OCA2: variants seen among roughly 807,000 people sequenced by gnomAD.
The protein encoded by OCA2 is OCA2 melanosomal transmembrane protein.
OCA2 carries 77 observed loss-of-function variants against 100.2 expected under a neutral mutation model. The observed-to-expected ratio is 0.77, with a 90% CI of 0.64 to 0.93. OCA2 has a LOEUF of 0.93. Ranked by LOEUF, OCA2 falls within the 40% of genes least tolerant of loss-of-function variation. The pLI is 0.00. For synonymous variants in OCA2, 432 were observed against 439.2 expected (o/e 0.98, Z 0.21); for missense variants, 1,062 against 1,089.1 (o/e 0.98, Z 0.35).
At chr15:28,046,404 G>GA (rs936369468) in intron 2 of OCA2, among the ~76,000 whole-genome samples, 6 of 152,162 alleles carry the variant, frequency 3.9e-5, no homozygotes, top group African/African-American at 1.4e-4. Flanking sequence ...GAACCCAGCA[G>GA]AAAAGAGTCT....
chr15:27,986,614 C>T lies in OCA2; in HGVS notation c.1212G>A (p.Thr404=), dbSNP rs773802096. ...MMILVAIFSE[T]GFFDYCAVKA... is the part of the protein sequence containing the mutation. Reference sequence around the variant, plus strand: ...TTACAGCACAATAATCGAAAAATCCCGTTTCTGAAAATATGGCTACTAAGA... The same window carrying T: ...TTACAGCACAATAATCGAAAAATCCTGTTTCTGAAAATATGGCTACTAAGA... Residue 404 remains threonine (T), a synonymous_variant, in exon 12 of 24, where the codon ACG becomes ACA. Coordinates refer to ENST00000354638, the MANE Select transcript of OCA2 (RefSeq NM_000275.3). 1.2e-5 allele frequency: 19 copies of T among 1,595,258 alleles called. No homozygotes were observed. Among genetic ancestry groups the T allele is most frequent in the East Asian group, 2.2e-5 (1 of 44,794 alleles).
Position 27,992,807 on chromosome 15 carries a change from C to T in OCA2, c.1045-2160G>A, listed in dbSNP as rs114673426. Reference sequence around the variant, plus strand: ...AACCTTTGGGCTAACTTTGTCTGGACGGAAAGGAGACTTCCAGTAAAGAGC... The same window carrying T: ...AACCTTTGGGCTAACTTTGTCTGGATGGAAAGGAGACTTCCAGTAAAGAGC... On this transcript the variant is annotated intron_variant, in intron 9 of 23. Coordinates refer to ENST00000354638, the MANE Select transcript of OCA2 (RefSeq NM_000275.3). 7.9e-3 allele frequency among the ~76,000 whole-genome samples: 1,199 copies of T among 152,222 alleles called. 20 individuals are homozygous for T. Among genetic ancestry groups the T allele is most frequent in the African/African-American group, 0.028 (1,145 of 41,526 alleles).
intron 19 of OCA2, among the ~76,000 whole-genome samples, chr15:27,882,559 T>C (rs1451896436): frequency 4.6e-5 from 7 of 152,232 alleles, no homozygotes; most frequent in Non-Finnish European, 1.0e-4. Flanking sequence ...ATCTGTTGAC[T>C]GTCATTTTCC....
intron 19 of OCA2, among the ~76,000 whole-genome samples, chr15:27,919,351 A>G (rs1466888576): frequency 6.6e-6 from 1 of 152,198 alleles, no homozygotes; most frequent in African/African-American, 2.4e-5. Context: ...AAAATTGCCA[A>G]AACTTGGAAG....
At chr15:27,885,738 C>T (rs569846821) in intron 19 of OCA2, among the ~76,000 whole-genome samples, 2 of 136,402 alleles carry the variant, frequency 1.5e-5, no homozygotes, top group South Asian at 2.7e-4. Context: ...GCTTAGTCTC[C>T]ATTCACTCCT....
At chr15:27,913,885 A>AAGAAAGAAAGAAAG (rs2038531685) in intron 19 of OCA2, among the ~76,000 whole-genome samples, 1 of 55,162 alleles carries the variant, frequency 1.8e-5, no homozygotes, top group South Asian at 7.6e-4. Flanking sequence ...GAAAGAAAGA[A>AAGAAAGAAAGAAAG]AGAAAGAAAG....
intron 19 of OCA2, among the ~76,000 whole-genome samples, chr15:27,886,897 T>C (rs2703970): frequency 0.092 from 14,037 of 152,220 alleles, 1,451 homozygotes; most frequent in African/African-American, 0.25. Context: ...GGATCTGATA[T>C]GGTTTGCCTC....
At chr15:27,989,922 C>T (rs2041494181) in intron 10 of OCA2, among the ~76,000 whole-genome samples, 1 of 152,198 alleles carries the variant, frequency 6.6e-6, no homozygotes, top group Admixed American at 6.5e-5. Flanking sequence ...TCCCACATGG[C>T]GGGACTGGCC....
At chr15:27,985,360 C>T (rs748425163) in intron 12 of OCA2, among the ~76,000 whole-genome samples, 172 bp from the exon 13 acceptor site, 2 of 152,144 alleles carry the variant, frequency 1.3e-5, no homozygotes, top group Non-Finnish European at 2.9e-5. Context: ...TGCTGGCCAT[C>T]GAAGTTCCTA....
At chr15:27,819,639 T>C (rs553075144) in intron 23 of OCA2, among the ~76,000 whole-genome samples, 8 of 152,312 alleles carry the variant, frequency 5.3e-5, no homozygotes, top group African/African-American at 1.7e-4. Flanking sequence ...GAATTATCCA[T>C]GTGGTAATGA....
chr15:27,807,527 G>A (rs749894709), intron 23 of OCA2, among the ~76,000 whole-genome samples: 6 of 152,060 alleles, frequency 3.9e-5, no homozygotes, highest in Non-Finnish European at 5.9e-5. Flanking sequence ...AGGCACCTTC[G>A]TCCCCTCCTC....
chr15:28,021,627 C>A (rs1477571191), intron 6 of OCA2, among the ~76,000 whole-genome samples: 3 of 152,168 alleles, frequency 2.0e-5, no homozygotes, highest in Non-Finnish European at 2.9e-5. Flanking sequence ...CGGACGCTCC[C>A]CAGGAAGACA....
chr15:27,876,804 T>C (rs2036810993), intron 19 of OCA2, among the ~76,000 whole-genome samples: 1 of 151,926 alleles, frequency 6.6e-6, no homozygotes, highest in South Asian at 2.1e-4. Flanking sequence ...TTGATGATAT[T>C]GGTGATGTGT....
intron 23 of OCA2, among the ~76,000 whole-genome samples, chr15:27,837,853 A>G (rs1234302770): frequency 6.6e-6 from 1 of 151,366 alleles, no homozygotes; most frequent in African/African-American, 2.4e-5. Context: ...GACAAAAGGA[A>G]CCAAAAATGA....
At chr15:27,972,874 T>TGACAGAGTC (rs2040847738) in intron 14 of OCA2, among the ~76,000 whole-genome samples, 1 of 47,756 alleles carries the variant, frequency 2.1e-5, no homozygotes, top group Non-Finnish European at 9.2e-5. Flanking sequence ...TTTTATTTTA[T>TGACAGAGTC]TTTATTTTTG....
At position 28,081,696 on chromosome 15, in the gene OCA2, G is replaced by C; in HGVS notation, c.179C>G (p.Ser60Cys). The C allele has an allele frequency of 6.2e-7, 1 of 1,613,874 alleles. No homozygotes were observed. The highest frequency in any genetic ancestry group is 8.5e-7 in the Non-Finnish European group (1 of 1,180,014). Residue 60 changes from serine (S) to cysteine (C), a missense_variant, in exon 2 of 24, where the codon TCT (serine) becomes TGT (cysteine). Physicochemically the swap from Ser to Cys is moderately radical, Grantham distance 112 (BLOSUM62 -1). Coordinates refer to ENST00000354638, the MANE Select transcript of OCA2 (RefSeq NM_000275.3). ...AAACTCCTGGCCTGCAGGAGCCCAA[G>C]AGCTCTGCCCGGCAGCCCCCCTGGG... ...SCPRGAAGQS[S>C]WAPAGQEFAS...
chr15:27,743,503 G>C, the OCA2 span, among the ~76,000 whole-genome samples: 5 of 152,142 alleles, frequency 3.3e-5, no homozygotes, highest in Non-Finnish European at 7.3e-5. Flanking sequence ...TTTTGCTCCT[G>C]CTCTCCTCCG....
At chr15:27,937,861 C>T (rs369016975) in intron 18 of OCA2, among the ~76,000 whole-genome samples, 1 of 152,178 alleles carries the variant, frequency 6.6e-6, no homozygotes. Context: ...CACTCTGTGG[C>T]TTCTTGTTCA....
chr15:28,002,571 G>C (rs953871725), intron 9 of OCA2, among the ~76,000 whole-genome samples: 7 of 152,150 alleles, frequency 4.6e-5, no homozygotes, highest in African/African-American at 1.7e-4. Context: ...TTGTGTACCT[G>C]GTTTGAGGAG....
Sources: gnomAD v4.1 joint callset for allele counts (sites outside exome capture counted in the v4.1 genomes callset) on GRCh38, gnomAD v4.1.1 for gene constraint, MANE v1.5 for transcripts, NCBI Gene and HGNC (gene_info 2026-07-23, HGNC 2026-07-21) for gene names.